MBNL1: variants seen among roughly 807,000 people sequenced by gnomAD.
MBNL1 encodes the protein muscleblind like splicing regulator 1.
In MBNL1, 8 loss-of-function variants were observed where a neutral mutation model predicts 42.2. The ratio of observed to expected loss-of-function variants is 0.19; its 90% CI spans 0.11 to 0.34. MBNL1 has a LOEUF of 0.34. MBNL1 is among the 10% of genes least tolerant of loss of function. MBNL1 has a pLI of 1.00. For missense variants in MBNL1, 309 were observed against 495.3 expected (o/e 0.62, Z 3.57); for synonymous variants, 169 against 173.9 (o/e 0.97, Z 0.22).
At chr3:152,390,090 G>C (rs909455116) in intron 2 of MBNL1, among the ~76,000 whole-genome samples, 2 of 150,738 alleles carry the variant, frequency 1.3e-5, no homozygotes, top group African/African-American at 4.9e-5. Flanking sequence ...GGCTGGTCTC[G>C]AACTCCTGAC....
intron 2 of MBNL1, among the ~76,000 whole-genome samples, chr3:152,248,966 C>T (rs1438406466): frequency 6.6e-6 from 1 of 151,768 alleles, no homozygotes; most frequent in Admixed American, 6.6e-5. Context: ...TTTATGGCTG[C>T]ATAGTATTCC....
intron 6 of MBNL1, 102 bp downstream of exon 6, chr3:152,447,875 G>C (rs1713222775): frequency 2.8e-6 from 3 of 1,053,216 alleles, no homozygotes; most frequent in Non-Finnish European, 4.1e-6. Context: ...AATTATAGAT[G>C]AGGTGTCAGG....
rs2059944607 is a variant in MBNL1, at chr3:152,299,558, A to G, written c.-636A>G. 1 of 395,516 alleles carries G rather than the reference A, an allele frequency of 2.5e-6. No individual in the cohort carries two copies. Among genetic ancestry groups the G allele is most frequent in the East Asian group, 3.6e-5 (1 of 27,956 alleles). 24.5% of individuals were successfully genotyped at this position (395,516 alleles called of 1,614,324 possible). A position where few individuals can be genotyped will look rare whatever the true frequency, so the allele number is the denominator to read the frequency against. ...CCAGACACCCCCATTTCTACTTATA[A>G]TCAAGAGAAAAGCTCTAAGTATCTG... On this transcript the variant is annotated 5_prime_UTR_variant, in exon 2 of 10. Coordinates refer to ENST00000324210, the MANE Select transcript of MBNL1 (RefSeq NM_021038.5).
At chr3:152,317,227 A>G (rs984263445) in intron 2 of MBNL1, among the ~76,000 whole-genome samples, 2 of 152,200 alleles carry the variant, frequency 1.3e-5, no homozygotes, top group East Asian at 1.9e-4. Context: ...TTAACTTTTA[A>G]AAGATTCTTA....
chr3:152,368,086 A>G (rs918076969), intron 2 of MBNL1, among the ~76,000 whole-genome samples: 6 of 151,978 alleles, frequency 3.9e-5, no homozygotes, highest in South Asian at 2.1e-4. Flanking sequence ...GTCTTTGCCC[A>G]TGCGTATGTC....
chr3:152,296,446 G>A (rs1223842408), intron 1 of MBNL1, among the ~76,000 whole-genome samples: 1 of 152,130 alleles, frequency 6.6e-6, no homozygotes, highest in Non-Finnish European at 1.5e-5. Flanking sequence ...TGAGTAGGAA[G>A]GTAAGAAAAA....
At chr3:152,439,537 A>G (rs1275162012) in intron 4 of MBNL1, among the ~76,000 whole-genome samples, 6 of 152,208 alleles carry the variant, frequency 3.9e-5, no homozygotes, top group Non-Finnish European at 8.8e-5. Context: ...GAGTTTTCAC[A>G]TAGAGGTTTA....
intron 1 of MBNL1, among the ~76,000 whole-genome samples, chr3:152,283,784 C>T (rs1426028922): frequency 6.6e-6 from 1 of 152,178 alleles, no homozygotes; most frequent in African/African-American, 2.4e-5. Context: ...TGTTGATATG[C>T]AGTGCTTTCC....
intron 2 of MBNL1, among the ~76,000 whole-genome samples, chr3:152,382,317 T>A (rs57399299): frequency 0.059 from 9,047 of 152,082 alleles, 806 homozygotes; most frequent in East Asian, 0.31. Context: ...AAATAATAAA[T>A]ATAAGAGTAC....
chr3:152,409,777 A>G (rs2098522826), intron 2 of MBNL1, among the ~76,000 whole-genome samples: 1 of 152,168 alleles, frequency 6.6e-6, no homozygotes. Context: ...ATCCTGCCAC[A>G]TAGTTACCAT....
At chr3:152,333,344 A>G (rs149644652) in intron 2 of MBNL1, among the ~76,000 whole-genome samples, 2 of 152,384 alleles carry the variant, frequency 1.3e-5, no homozygotes, top group African/African-American at 2.4e-5. Flanking sequence ...ATTAAGAGAA[A>G]TGGACACATA....
At chr3:152,376,594 T>G (rs2096911931) in intron 2 of MBNL1, among the ~76,000 whole-genome samples, 1 of 152,192 alleles carries the variant, frequency 6.6e-6, no homozygotes. Flanking sequence ...ATGTAGATGA[T>G]CATATATTAA....
At chr3:152,304,458 A>G (rs1207363830) in intron 2 of MBNL1, among the ~76,000 whole-genome samples, 1 of 152,206 alleles carries the variant, frequency 6.6e-6, no homozygotes, top group East Asian at 1.9e-4. Flanking sequence ...TTCAATTAAA[A>G]TTTTGATCTA....
chr3:152,311,299 G>A (rs1166917274), intron 2 of MBNL1, among the ~76,000 whole-genome samples: 4 of 152,146 alleles, frequency 2.6e-5, no homozygotes, highest in Non-Finnish European at 4.4e-5. Flanking sequence ...GAGCCACTGC[G>A]CCCAGCTCAA....
At chr3:152,425,573 A>C (rs191839946) in intron 3 of MBNL1, among the ~76,000 whole-genome samples, 1 of 151,770 alleles carries the variant, frequency 6.6e-6, no homozygotes, top group African/African-American at 2.4e-5. Context: ...ACGCCACTGC[A>C]CTCCAGCCTG....
intron 2 of MBNL1, among the ~76,000 whole-genome samples, chr3:152,411,493 C>T (rs2098566469): frequency 1.3e-5 from 2 of 152,118 alleles, no homozygotes; most frequent in Non-Finnish European, 2.9e-5. Flanking sequence ...GCACTCCAGC[C>T]TGAGCGACAG....
chr3:152,413,742 T>C (rs2098642421), intron 2 of MBNL1, among the ~76,000 whole-genome samples: 1 of 152,208 alleles, frequency 6.6e-6, no homozygotes, highest in Non-Finnish European at 1.5e-5. Flanking sequence ...TTTATTCTAC[T>C]GCTTGTAAAC....
chr3:152,331,839 C>A (rs978538098), intron 2 of MBNL1, among the ~76,000 whole-genome samples: 4 of 151,826 alleles, frequency 2.6e-5, no homozygotes, highest in Non-Finnish European at 5.9e-5. Flanking sequence ...TACAGCCTCC[C>A]CACTACCACA....
In MBNL1 at chr3:152,451,820, AT is replaced by A. The variant is rs1043451477; in HGVS notation, c.962-3714del. Reference sequence around the variant, plus strand: ...CTGAGTGCTTTGCCTACATTATCTCATTTTTTTTCACAACGCCCAGAAGGTT... The same window carrying A: ...CTGAGTGCTTTGCCTACATTATCTCATTTTTTTCACAACGCCCAGAAGGTT... On this transcript the variant is annotated intron_variant, in intron 6 of 9. Transcript: ENST00000324210. Among the ~76,000 whole-genome samples the A allele has an allele frequency of 1.1e-4, 16 of 151,816 alleles. No homozygotes were observed. The East Asian group carries it at 2.7e-3, about 26-fold the overall frequency.
Sources: allele counts gnomAD v4.1 joint callset (sites outside exome capture counted in the v4.1 genomes callset), GRCh38; gene constraint gnomAD v4.1.1; transcripts MANE v1.5; gene names NCBI Gene and HGNC (gene_info 2026-07-23, HGNC 2026-07-21).